TBPL2: variants seen among roughly 807,000 people sequenced by gnomAD.
TBPL2 encodes the protein TATA box-binding protein-like 2.
Under a neutral mutation model 38.2 loss-of-function variants are expected in TBPL2, and 40 were observed. The observed-to-expected ratio is 1.05, with a 90% confidence interval of 0.81 to 1.36. The LOEUF is 1.36. Among genes scored for constraint, TBPL2 ranks in the 40% most tolerant of loss-of-function variants. The pLI is 0.00. For missense variants in TBPL2, 461 were observed against 456.7 expected (o/e 1.01, Z -0.09); for synonymous variants, 169 against 171.7 (o/e 0.98, Z 0.12).
At chr14:55,420,617 A>G (rs143664067) in intron 6 of TBPL2, among the ~76,000 whole-genome samples, 1 of 152,328 alleles carries the variant, frequency 6.6e-6, no homozygotes, top group African/African-American at 2.4e-5. Flanking sequence ...ACCTCCAGAA[A>G]AGTCCATGTC....
At chr14:55,424,191 A>G (rs769774206) in exon 6 of TBPL2, 2 of 1,613,530 alleles carry the variant, frequency 1.2e-6, no homozygotes. Flanking sequence ...TACAAAGATA[A>G]GCAACACAAT....
At chr14:55,420,257 G>T (rs1290759536) in intron 6 of TBPL2, among the ~76,000 whole-genome samples, 3 of 152,236 alleles carry the variant, frequency 2.0e-5, no homozygotes, top group Non-Finnish European at 1.5e-5. Flanking sequence ...TTTAAGTAGA[G>T]ACAGGGTCTT....
chr14:55,414,652 G>C (rs1885642911), intron 6 of TBPL2, among the ~76,000 whole-genome samples, 197 bp from the exon 7 acceptor site: 1 of 152,160 alleles, frequency 6.6e-6, no homozygotes, highest in South Asian at 2.1e-4. Flanking sequence ...CCTTAGAGCA[G>C]AGTTTTCTAG....
At chr14:55,437,057 G>C in intron 1 of TBPL2, 39 bp from the exon 2 acceptor site, 2 of 1,557,278 alleles carry the variant, frequency 1.3e-6, no homozygotes, top group Non-Finnish European at 1.8e-6. Context: ...AAACACAACA[G>C]ACAGAACAGC....
At position 55,436,675 on chromosome 14, in the gene TBPL2, GAGTC is replaced by G. The variant is rs757462130; in HGVS notation, c.490_493del (p.Asp164GlnfsTer19). On this transcript the variant is annotated frameshift_variant, in exon 2 of 7. Coordinates refer to ENST00000247219, the Ensembl canonical transcript of TBPL2. LOFTEE classifies it high-confidence loss of function. ...TGGTTTCTCAGGAGAGGGCTGGACTGAGTCAGTATCACCAGGGTGCAGCTGTGAA... is the reference window on the plus strand; with the variant it reads ...TGGTTTCTCAGGAGAGGGCTGGACTGAGTATCACCAGGGTGCAGCTGTGAA... 7 of 1,614,242 alleles carry G rather than the reference GAGTC, an allele frequency of 4.3e-6. No homozygotes were observed. Among genetic ancestry groups the G allele is most frequent in the Non-Finnish European group, 5.9e-6 (7 of 1,180,034 alleles).
At chr14:55,436,618 G>T (rs1209033011) in exon 2 of TBPL2, 10 of 1,614,088 alleles carry the variant, frequency 6.2e-6, no homozygotes, top group Non-Finnish European at 8.5e-6. Context: ...TGTCATGGGA[G>T]TTATGGATGC....
chr14:55,428,739 G>T, intron 5 of TBPL2, 68 bp downstream of exon 5: 29 of 1,433,224 alleles, frequency 2.0e-5, no homozygotes, highest in South Asian at 4.3e-5. Flanking sequence ...GATACTTTAC[G>T]TAAGCAACCC....
chr14:55,422,085 T>C (rs1862341125), intron 6 of TBPL2, among the ~76,000 whole-genome samples: 2 of 152,168 alleles, frequency 1.3e-5, no homozygotes, highest in Admixed American at 6.5e-5. Flanking sequence ...AGGATTATAA[T>C]AGGATAAACC....
intron 4 of TBPL2, among the ~76,000 whole-genome samples, chr14:55,430,700 T>C (rs1420058722): frequency 1.3e-5 from 2 of 152,188 alleles, no homozygotes. Context: ...CATGGCCATC[T>C]GTTGATCTGG....
chr14:55,429,766 C>CAAAAAAAAAAAAAAAAAAAAAAAAAAA (rs71131266), intron 4 of TBPL2, among the ~76,000 whole-genome samples: 1 of 52,394 alleles, frequency 1.9e-5, no homozygotes, highest in Admixed American at 2.6e-4. Flanking sequence ...AACTCCGTCT[C>CAAAAAAAAAAAAAAAAAAAAAAAAAAA]AAAAAAAAAA....
intron 3 of TBPL2, among the ~76,000 whole-genome samples, chr14:55,433,947 T>C (rs7160191): frequency 0.24 from 35,831 of 152,098 alleles, 7,265 homozygotes; most frequent in African/African-American, 0.56. Context: ...ATGCCTGTTA[T>C]GTTTCAGTTC....
chr14:55,430,938 C>T (rs1053090453), intron 4 of TBPL2, among the ~76,000 whole-genome samples: 1 of 152,176 alleles, frequency 6.6e-6, no homozygotes, highest in Non-Finnish European at 1.5e-5. Context: ...CTTGGGATAT[C>T]AGCTGTGATA....
chr14:55,420,382 G>A (rs1222864197), intron 6 of TBPL2, among the ~76,000 whole-genome samples: 1 of 152,190 alleles, frequency 6.6e-6, no homozygotes, highest in Non-Finnish European at 1.5e-5. Context: ...GGTGAAAAGA[G>A]TCTAGAGACA....
At chr14:55,437,595 G>A (rs556254141) in intron 1 of TBPL2, among the ~76,000 whole-genome samples, 4 of 152,342 alleles carry the variant, frequency 2.6e-5, no homozygotes, top group African/African-American at 9.6e-5. Context: ...TCTCTAGTAA[G>A]TTGCCACTCT....
exon 1 of TBPL2, chr14:55,440,568 G>C: frequency 1.3e-6 from 2 of 1,569,988 alleles, no homozygotes; most frequent in South Asian, 2.4e-5. Context: ...GGGCAGCGAG[G>C]CGGGGCGGCC....
intron 6 of TBPL2, among the ~76,000 whole-genome samples, chr14:55,419,600 G>A (rs1401279173): frequency 6.6e-6 from 1 of 152,208 alleles, no homozygotes; most frequent in African/African-American, 2.4e-5. Flanking sequence ...TAGAACAGCA[G>A]GGCCTCTTTG....
exon 4 of TBPL2, chr14:55,433,716 A>C: frequency 6.2e-7 from 1 of 1,614,072 alleles, no homozygotes. Flanking sequence ...TGACAGCAGC[A>C]AACCTCTATA....
intron 4 of TBPL2, among the ~76,000 whole-genome samples, chr14:55,429,377 G>C (rs1207207367): frequency 6.6e-6 from 1 of 152,184 alleles, no homozygotes; most frequent in African/African-American, 2.4e-5. Context: ...GGGTGGGGCC[G>C]AGCAATCTGT....
At chr14:55,423,106 A>G (rs547995240) in intron 6 of TBPL2, among the ~76,000 whole-genome samples, 95 of 152,334 alleles carry the variant, frequency 6.2e-4, no homozygotes, top group African/African-American at 2.2e-3. Flanking sequence ...TCATGTACAT[A>G]TTATTTACAA....
Sources: allele counts gnomAD v4.1 joint callset (sites outside exome capture counted in the v4.1 genomes callset), GRCh38; gene constraint gnomAD v4.1.1; transcripts MANE v1.5; gene names NCBI Gene and HGNC (gene_info 2026-07-23, HGNC 2026-07-21).